The following MALT1 variants were observed in gnomAD, a reference collection of about 807,000 sequenced individuals.
MALT1 encodes mucosa-associated lymphoid tissue lymphoma translocation protein 1.
A neutral mutation model predicts 85.5 loss-of-function variants in MALT1; 36 were observed. The ratio of observed to expected loss-of-function variants is 0.42; its 90% CI spans 0.32 to 0.56. The LOEUF is 0.56. MALT1 is among the 20% of genes least tolerant of loss of function. The probability of loss-of-function intolerance (pLI) is 0.10; values close to 1 mark genes in which losing one functional copy is unlikely to be tolerated. For missense variants in MALT1, 716 were observed against 981.6 expected (o/e 0.73, Z 3.62); for synonymous variants, 359 against 361.3 (o/e 0.99, Z 0.07).
intron 2 of MALT1, among the ~76,000 whole-genome samples, chr18:58,688,299 T>TACACACACACAC (rs34923643): frequency 0.016 from 2,241 of 139,650 alleles, 56 homozygotes; most frequent in African/African-American, 0.05. Context: ...ATATATATGT[T>TACACACACACAC]ACACACACAC....
chr18:58,728,302 A>AAAC (rs760988719), intron 10 of MALT1, among the ~76,000 whole-genome samples: 3 of 152,198 alleles, frequency 2.0e-5, no homozygotes, highest in African/African-American at 7.2e-5. Flanking sequence ...TGGAATTTAA[A>AAAC]AACAACAACA....
intron 4 of MALT1, among the ~76,000 whole-genome samples, chr18:58,702,335 G>A (rs1220679437): frequency 6.6e-6 from 1 of 151,862 alleles, no homozygotes; most frequent in African/African-American, 2.4e-5. Context: ...AGTGAGCTGG[G>A]ATCACACCAG....
Position 58,751,571 on chromosome 18 carries a change from GTCT to G in MALT1, c.*3734_*3736del, listed in dbSNP as rs1009051259. 4 of 152,240 alleles carry G rather than the reference GTCT, an allele frequency of 2.6e-5. No individual in the cohort carries two copies. In the East Asian group the frequency reaches 5.8e-4, roughly 22 times the overall value. 9.4% of individuals were successfully genotyped at this position (152,240 alleles called of 1,614,324 possible). A position where few individuals can be genotyped will look rare whatever the true frequency, so the allele number is the denominator to read the frequency against. ...CTTAAGAAGAATGATAACAGTTTTG[GTCT>G]TCTTTTTTATCAACCATGCTTTTAT... On this transcript the variant is annotated 3_prime_UTR_variant, in exon 17 of 17. Coordinates refer to ENST00000649217, the MANE Select transcript of MALT1 (RefSeq NM_006785.4).
intron 2 of MALT1, chr18:58,691,260 C>A (rs1262678852): frequency 2.3e-6 from 1 of 438,962 alleles, no homozygotes; most frequent in South Asian, 1.9e-5. Flanking sequence ...TTACCCCTAT[C>A]TCCATATCCT....
At chr18:58,711,536 A>T (rs1348891078) in intron 7 of MALT1, among the ~76,000 whole-genome samples, 1 of 152,210 alleles carries the variant, frequency 6.6e-6, no homozygotes, top group Admixed American at 6.5e-5. Flanking sequence ...GGAACTGAAA[A>T]TCTATTTCAA....
At chr18:58,724,375 A>T (rs952558418) in intron 10 of MALT1, among the ~76,000 whole-genome samples, 6 of 152,304 alleles carry the variant, frequency 3.9e-5, no homozygotes, top group African/African-American at 1.4e-4. Context: ...AACACCTCAA[A>T]TGTGAGATTT....
At chr18:58,680,232 G>A (rs1234305374) in intron 1 of MALT1, among the ~76,000 whole-genome samples, 3 of 152,066 alleles carry the variant, frequency 2.0e-5, no homozygotes, top group Non-Finnish European at 2.9e-5. Context: ...ACGCTGTTCT[G>A]TATCTTCCTT....
intron 9 of MALT1, among the ~76,000 whole-genome samples, chr18:58,718,404 G>GAC (rs2054933534): frequency 6.6e-6 from 1 of 152,224 alleles, no homozygotes; most frequent in Non-Finnish European, 1.5e-5. Context: ...TAGGAACTGA[G>GAC]ACACACAGCA....
intron 2 of MALT1, among the ~76,000 whole-genome samples, chr18:58,685,746 A>G (rs1207828824): frequency 1.3e-5 from 2 of 152,178 alleles, no homozygotes; most frequent in East Asian, 3.8e-4. Context: ...CTTGAATTAT[A>G]TGATAGAGAA....
chr18:58,673,512 T>TG, intron 1 of MALT1, among the ~76,000 whole-genome samples: 1 of 152,284 alleles, frequency 6.6e-6, no homozygotes, highest in South Asian at 2.1e-4. Context: ...TGGAGTGCAG[T>TG]GGTGTGATCG....
At chr18:58,716,696 G>A (rs1470221105) in intron 9 of MALT1, among the ~76,000 whole-genome samples, 2 of 152,192 alleles carry the variant, frequency 1.3e-5, no homozygotes, top group Non-Finnish European at 2.9e-5. Flanking sequence ...AATGAAGACA[G>A]TACATATTAA....
chr18:58,678,072 A>G (rs2054266952), intron 1 of MALT1, among the ~76,000 whole-genome samples: 1 of 152,172 alleles, frequency 6.6e-6, no homozygotes, highest in African/African-American at 2.4e-5. Flanking sequence ...TGTGTTAAGC[A>G]CTTCTTACAT....
chr18:58,706,520 C>T (rs2054754172), intron 4 of MALT1, among the ~76,000 whole-genome samples: 1 of 152,226 alleles, frequency 6.6e-6, no homozygotes, highest in Non-Finnish European at 1.5e-5. Flanking sequence ...TGTTGTGGCA[C>T]TCTTGAGTCT....
chr18:58,677,596 T>A (rs1378627774), intron 1 of MALT1: 1 of 152,190 alleles, frequency 6.6e-6, no homozygotes, highest in Non-Finnish European at 1.5e-5. Context: ...TTTTTATGTT[T>A]TCTGTCATCA....
intron 9 of MALT1, among the ~76,000 whole-genome samples, chr18:58,718,834 A>G (rs1023733571): frequency 6.6e-6 from 1 of 152,208 alleles, no homozygotes; most frequent in African/African-American, 2.4e-5. Flanking sequence ...AGAGGGCTTT[A>G]CCTAAGAGGC....
chr18:58,730,217 A>T (rs1277288909), intron 10 of MALT1, among the ~76,000 whole-genome samples: 1 of 152,218 alleles, frequency 6.6e-6, no homozygotes, highest in African/African-American at 2.4e-5. Context: ...TGATTTCAGT[A>T]TCTTCACAAA....
intron 10 of MALT1, among the ~76,000 whole-genome samples, chr18:58,727,471 AT>A (rs1213420316): frequency 6.6e-6 from 1 of 151,942 alleles, no homozygotes; most frequent in African/African-American, 2.4e-5. Context: ...CGCCTGGCTA[AT>A]TTTTTGTATT....
intron 13 of MALT1, 72 bp downstream of exon 13, chr18:58,735,401 C>T: frequency 6.7e-7 from 1 of 1,481,910 alleles, no homozygotes; most frequent in South Asian, 1.4e-5. Flanking sequence ...TCAGGGTTCC[C>T]TCTCTGGTGA....
intron 9 of MALT1, among the ~76,000 whole-genome samples, chr18:58,720,505 A>G (rs550406815): frequency 6.6e-6 from 1 of 152,344 alleles, no homozygotes; most frequent in African/African-American, 2.4e-5. Flanking sequence ...GCTATTAAAA[A>G]TTATCATTGG....
Sources: gnomAD v4.1 joint callset for allele counts (sites outside exome capture counted in the v4.1 genomes callset) on GRCh38, gnomAD v4.1.1 for gene constraint, MANE v1.5 for transcripts, NCBI Gene and HGNC (gene_info 2026-07-23, HGNC 2026-07-21) for gene names.